IFRD1: variants seen among roughly 807,000 people sequenced by gnomAD.
IFRD1 encodes interferon-related developmental regulator 1.
A neutral mutation model predicts 52.9 loss-of-function variants in IFRD1; 35 were observed. That is an observed-to-expected ratio of 0.66 (90% CI 0.51 to 0.88). IFRD1 has a LOEUF of 0.88. Ranked by LOEUF, IFRD1 falls within the 40% of genes least tolerant of loss-of-function variation. The pLI, the probability that IFRD1 is intolerant of heterozygous loss-of-function variation, is 0.00. For synonymous variants in IFRD1, 184 were observed against 188.4 expected, an observed-to-expected ratio of 0.98 and a Z score of 0.19; for missense variants, 517 against 550.8, an observed-to-expected ratio of 0.94 and a Z score of 0.61.
chr7:112,451,001 C>T, intron 1 of IFRD1: 1 of 581,678 alleles, frequency 1.7e-6, no homozygotes, highest in South Asian at 1.9e-5. Context: ...GGGCACCGGC[C>T]GTGGGGGCAG....
chr7:112,431,310 T>C (rs1488200505), intron 1 of IFRD1, among the ~76,000 whole-genome samples: 1 of 152,224 alleles, frequency 6.6e-6, no homozygotes, highest in African/African-American at 2.4e-5. Context: ...TATATAAATA[T>C]GTGGTAACAA....
At chr7:112,463,904 T>G in intron 8 of IFRD1, among the ~76,000 whole-genome samples, 1 of 149,922 alleles carries the variant, frequency 6.7e-6, no homozygotes, top group Admixed American at 6.7e-5. Context: ...ACCCCACGTA[T>G]CTTTTCTCCA....
intron 1 of IFRD1, chr7:112,452,074 G>A (rs1219972119): frequency 2.0e-6 from 2 of 981,840 alleles, no homozygotes; most frequent in African/African-American, 1.8e-5. Context: ...TGCTCTCCAT[G>A]TTGATGAAAT....
At chr7:112,450,887 T>C in intron 1 of IFRD1, 105 bp downstream of exon 1, 1 of 809,732 alleles carries the variant, frequency 1.2e-6, no homozygotes, top group African/African-American at 1.7e-5. Flanking sequence ...ATGTACACAT[T>C]TGCATTTCCA....
chr7:112,440,573 T>C (rs1440804283), intron 1 of IFRD1, among the ~76,000 whole-genome samples: 1 of 152,216 alleles, frequency 6.6e-6, no homozygotes, highest in Admixed American at 6.5e-5. Context: ...TGAATGAAAT[T>C]TGGCAGTTCA....
intron 8 of IFRD1, among the ~76,000 whole-genome samples, chr7:112,465,699 G>T (rs3807213): frequency 0.56 from 85,258 of 151,948 alleles, 24,615 homozygotes; most frequent in African/African-American, 0.6. Context: ...CTAATGTAGT[G>T]CTGCCTGAGG....
In IFRD1 at chr7:112,450,793, TC is replaced by T; in HGVS notation, c.94+15del. The T allele has an allele frequency of 6.3e-7, 1 of 1,599,680 alleles. No individual in the cohort carries two copies. Among genetic ancestry groups the T allele is most frequent in the Non-Finnish European group, 8.6e-7 (1 of 1,168,400 alleles). ...CGGCGGCGACAGCAGGTAAGGGGTA[TC>T]CCCGCCGCCGGCATCCCAGTTGCCG... is the stretch of plus-strand genomic sequence containing the variant. On this transcript the variant is annotated intron_variant, in intron 1 of 11. Transcript: ENST00000403825.
At chr7:112,438,511 A>G (rs907206322) in intron 1 of IFRD1, among the ~76,000 whole-genome samples, 8 of 152,154 alleles carry the variant, frequency 5.3e-5, no homozygotes, top group African/African-American at 1.7e-4. Context: ...ATAAAGAGCT[A>G]TAAGTATAAA....
rs1563266273 is a variant in IFRD1 at position 112,456,913 on chromosome 7, G to T, written c.285-1G>T. On this transcript the variant is annotated splice_acceptor_variant, in intron 3 of 11. Transcript: ENST00000403825. LOFTEE classifies it high-confidence loss of function. Reference sequence around the variant, plus strand: ...TTTCTCTTACATTGGGTGTTAAATAGTGCGAAGACAAGGCAAGCAGCTCTT... The same window carrying T: ...TTTCTCTTACATTGGGTGTTAAATATTGCGAAGACAAGGCAAGCAGCTCTT... 1 of 1,613,528 alleles carries T rather than the reference G, an allele frequency of 6.2e-7. No homozygotes were observed. The highest frequency in any genetic ancestry group is 8.5e-7 in the Non-Finnish European group (1 of 1,179,536).
intron 1 of IFRD1, among the ~76,000 whole-genome samples, chr7:112,438,882 T>C (rs938680558): frequency 6.6e-6 from 1 of 152,184 alleles, no homozygotes; most frequent in African/African-American, 2.4e-5. Flanking sequence ...GACCTGAGCA[T>C]AATGAAAGTT....
chr7:112,445,065 T>C (rs1276819742), intron 1 of IFRD1, among the ~76,000 whole-genome samples: 1 of 139,464 alleles, frequency 7.2e-6, no homozygotes, highest in African/African-American at 2.8e-5. Context: ...AGGCTTTCTT[T>C]TTTTTTTTTT....
At chr7:112,463,311 A>G (rs940331410) in intron 8 of IFRD1, among the ~76,000 whole-genome samples, 1 of 152,216 alleles carries the variant, frequency 6.6e-6, no homozygotes, top group African/African-American at 2.4e-5. Flanking sequence ...GAGAAAGAAT[A>G]TATTTTCATT....
rs753621632 is a variant in IFRD1, at chr7:112,450,474, G to A, written c.-215G>A. 5.1e-6 allele frequency: 3 copies of A among 593,254 alleles called. No individual in the cohort carries two copies. Among genetic ancestry groups the A allele is most frequent in the South Asian group, 1.9e-5 (1 of 51,938 alleles). 36.7% of individuals were successfully genotyped at this position (593,254 alleles called of 1,614,324 possible). A position where few individuals can be genotyped will look rare whatever the true frequency, so the allele number is the denominator to read the frequency against. On this transcript the variant is annotated 5_prime_UTR_variant, in exon 1 of 12. Coordinates refer to ENST00000403825, the MANE Select transcript of IFRD1 (RefSeq NM_001550.4). The stretch of plus-strand genomic sequence containing the variant: ...TCCCCTGCCCCGCCTTAGCTCCCGC[G>A]CTAGAGAGAAACATGTATCGTTTTC...
At chr7:112,437,824 T>C (rs1794745682) in intron 1 of IFRD1, among the ~76,000 whole-genome samples, 1 of 151,982 alleles carries the variant, frequency 6.6e-6, no homozygotes, top group Non-Finnish European at 1.5e-5. Flanking sequence ...GGTGGGACAG[T>C]GAACTAAGAG....
At chr7:112,435,655 T>TGTGTGTGTGTGTGTGCGC (rs775779479) in intron 1 of IFRD1, 9 of 149,142 alleles carry the variant, frequency 6.0e-5, no homozygotes, top group African/African-American at 2.3e-4. Flanking sequence ...TGTGTGTGTG[T>TGTGTGTGTGTGTGTGCGC]GCGTGCTTGT....
At chr7:112,445,313 A>C (rs568256402) in intron 1 of IFRD1, among the ~76,000 whole-genome samples, 3 of 151,930 alleles carry the variant, frequency 2.0e-5, no homozygotes, top group Admixed American at 6.6e-5. Context: ...TGATCCGCCC[A>C]CCTTGGCCTC....
At chr7:112,439,007 C>T (rs1228821632) in intron 1 of IFRD1, among the ~76,000 whole-genome samples, 1 of 152,072 alleles carries the variant, frequency 6.6e-6, no homozygotes, top group Non-Finnish European at 1.5e-5. Flanking sequence ...AGAACAGTAA[C>T]AAACAACCCT....
chr7:112,451,366 A>G (rs982377955), intron 1 of IFRD1, among the ~76,000 whole-genome samples: 29 of 152,174 alleles, frequency 1.9e-4, no homozygotes, highest in African/African-American at 6.0e-4. Context: ...CGGGGGGACC[A>G]CTTTCTCCCC....
rs778791826 is a variant in IFRD1 at position 112,472,298 on chromosome 7, A to C, written c.1121A>C (p.Tyr374Ser). The C allele has an allele frequency of 6.2e-7, 1 of 1,614,012 alleles. No individual in the cohort carries two copies. The highest frequency in any genetic ancestry group is 2.2e-5 in the East Asian group (1 of 44,874). Residue 374 changes from tyrosine to serine, a missense_variant, in exon 10 of 12, where the codon TAT (tyrosine) becomes TCT (serine). Tyr to Ser is a moderately radical substitution (Grantham distance 144, BLOSUM62 -2). Coordinates refer to ENST00000403825, the MANE Select transcript of IFRD1 (RefSeq NM_001550.4). ...GATTGCTGGGTAAAAAAACACACCT[A>C]TGACACCTTTAAGGAGGTTCTTGGA... The part of the protein sequence containing the change: ...YIDCWVKKHT[Y>S]DTFKEVLGSG...
Sources: gnomAD v4.1 joint callset for allele counts (sites outside exome capture counted in the v4.1 genomes callset) on GRCh38, gnomAD v4.1.1 for gene constraint, MANE v1.5 for transcripts, NCBI Gene and HGNC (gene_info 2026-07-23, HGNC 2026-07-21) for gene names.